Variants in TRAIP observed in about 807,000 individuals in gnomAD.
TRAIP encodes the protein E3 ubiquitin-protein ligase TRAIP.
In TRAIP, 37 loss-of-function variants were observed where a neutral mutation model predicts 65.0. That is an observed-to-expected ratio of 0.57 (90% CI 0.44 to 0.75). TRAIP has a LOEUF of 0.75. TRAIP is among the 30% of genes least tolerant of loss of function. The pLI is 0.00. For missense variants in TRAIP, 481 were observed against 579.4 expected (o/e 0.83, Z 1.74); for synonymous variants, 187 against 219.1 (o/e 0.85, Z 1.29).
At chr3:49,830,106 A>T in intron 11 of TRAIP, 38 bp from the exon 12 acceptor site, 1 of 1,610,236 alleles carries the variant, frequency 6.2e-7, no homozygotes, top group Non-Finnish European at 8.5e-7. Flanking sequence ...GTAGGTAAGC[A>T]AGACATGGGG....
intron 1 of TRAIP, among the ~76,000 whole-genome samples, chr3:49,850,445 G>C (rs2081920765): frequency 6.6e-6 from 1 of 151,102 alleles, no homozygotes; most frequent in African/African-American, 2.4e-5. Context: ...GTTGCAGTGA[G>C]CCGAGATCAC....
chr3:49,845,699 G>T (rs187728397), intron 3 of TRAIP, among the ~76,000 whole-genome samples: 3 of 152,172 alleles, frequency 2.0e-5, no homozygotes, highest in African/African-American at 4.8e-5. Context: ...CTCCAGCAGG[G>T]GCTTCCAAGC....
At position 49,829,219 on chromosome 3, in the gene TRAIP, T is replaced by C. The variant is rs777518226; in HGVS notation, c.1294A>G (p.Thr432Ala). ...GRTKFIQPTD[T>A]VMIRPLPVKP... is the part of the protein sequence containing the mutation. ...ACAGGCAATGGGCGGATCATGACTG[T>C]GTCAGTCTGGAGGAGCTGTCAAGGA... The change falls in exon 15 of 15, where the codon ACA becomes GCA. Residue 432 changes from threonine to alanine, a missense_variant. Physicochemically the swap from Thr to Ala is moderately conservative, Grantham distance 58 (BLOSUM62 0). Transcript: ENST00000331456. 4 of 1,614,032 alleles carry C rather than the reference T, an allele frequency of 2.5e-6. No homozygotes were observed. The highest frequency in any genetic ancestry group is 3.4e-6 in the Non-Finnish European group (4 of 1,180,030).
rs1019483891 is a variant in TRAIP at position 49,828,815 on chromosome 3, G to C, written c.*288C>G. Reference sequence around the variant, plus strand: ...TGACCGTGGTCTCCAGGCCCAGAAAGAGTCTGACCACATCTGATCATGGCT... The same window carrying C: ...TGACCGTGGTCTCCAGGCCCAGAAACAGTCTGACCACATCTGATCATGGCT... On this transcript the variant is annotated 3_prime_UTR_variant, in exon 15 of 15. Coordinates refer to ENST00000331456, the MANE Select transcript of TRAIP (RefSeq NM_005879.3). 4 of 369,274 alleles carry C rather than the reference G, an allele frequency of 1.1e-5. No homozygotes were observed. Among genetic ancestry groups the C allele is most frequent in the Non-Finnish European group, 2.1e-5 (4 of 191,218 alleles). The allele number at this position is 369,274 out of a possible 1,614,324, so 22.9% of individuals were successfully genotyped here.
intron 14 of TRAIP, 25 bp from the exon 15 acceptor site, chr3:49,829,250 C>T (rs747452166): frequency 6.2e-7 from 1 of 1,614,132 alleles, no homozygotes; most frequent in South Asian, 1.1e-5. Flanking sequence ...AAGGAAGAGG[C>T]ATGGAGAAAG....
intron 1 of TRAIP, among the ~76,000 whole-genome samples, 192 bp downstream of exon 1, chr3:49,856,164 T>C (rs2081967690): frequency 6.6e-6 from 1 of 152,230 alleles, no homozygotes. Context: ...TTAGCTCAGC[T>C]ATCACCTCTA....
intron 10 of TRAIP, among the ~76,000 whole-genome samples, chr3:49,837,086 TA>T (rs1181029392): frequency 1.3e-5 from 2 of 150,634 alleles, no homozygotes; most frequent in African/African-American, 2.4e-5. Context: ...GCCTCCCGAG[TA>T]GGTGGCCCAA....
At position 49,856,406 on chromosome 3, in the gene TRAIP, G is replaced by C. The variant is rs768059077; in HGVS notation, c.48C>G (p.His16Gln). 5 of 1,614,222 alleles carry C rather than the reference G, an allele frequency of 3.1e-6. No homozygotes were observed. Among genetic ancestry groups the C allele is most frequent in the Non-Finnish European group, 8.5e-7 (1 of 1,180,038 alleles). Residue 16 changes from histidine to glutamine, a missense_variant, in exon 1 of 15, where the codon CAC becomes CAG. By Grantham distance (24) the His-to-Gln change is conservative. Transcript: ENST00000331456. ...LCTICSDFFDHSRDVAAIHCG... is the reference protein window; with the variant it reads ...LCTICSDFFDQSRDVAAIHCG... ...AGTGGATGGCGGCCACGTCGCGGGA[G>C]TGATCGAAGAAGTCGGAGCAGATAG...
intron 1 of TRAIP, among the ~76,000 whole-genome samples, chr3:49,850,985 TG>T (rs1299609244): frequency 2.7e-5 from 4 of 150,738 alleles, no homozygotes; most frequent in African/African-American, 7.3e-5. Context: ...TTTTTTTTGG[TG>T]GGGGGACTTT....
intron 8 of TRAIP, 85 bp downstream of exon 8, chr3:49,840,900 T>C: frequency 7.7e-7 from 1 of 1,291,258 alleles, no homozygotes; most frequent in Non-Finnish European, 1.1e-6. Flanking sequence ...TGCCATCAGG[T>C]CCCATGGCCT....
At chr3:49,855,690 C>G (rs1322745508) in intron 1 of TRAIP, among the ~76,000 whole-genome samples, 1 of 152,178 alleles carries the variant, frequency 6.6e-6, no homozygotes, top group Non-Finnish European at 1.5e-5. Flanking sequence ...TTTAGCCCCA[C>G]AAGACCCTGT....
At chr3:49,850,695 G>A (rs576982849) in intron 1 of TRAIP, among the ~76,000 whole-genome samples, 21 of 119,732 alleles carry the variant, frequency 1.8e-4, no homozygotes, top group Non-Finnish European at 2.9e-4. Context: ...TGCTCTGTCA[G>A]CCAGGCTGGA....
chr3:49,854,849 G>A (rs1370898501), intron 1 of TRAIP, among the ~76,000 whole-genome samples: 1 of 151,864 alleles, frequency 6.6e-6, no homozygotes, highest in Non-Finnish European at 1.5e-5. Flanking sequence ...TTGAGTCCAG[G>A]GGTTCAAGAC....
At chr3:49,850,803 C>T (rs944517738) in intron 1 of TRAIP, among the ~76,000 whole-genome samples, 12 of 150,852 alleles carry the variant, frequency 8.0e-5, no homozygotes, top group African/African-American at 1.5e-4. Context: ...TACGGGTGCA[C>T]GCCACCATGC....
chr3:49,833,483 C>CTTT (rs113973983), intron 10 of TRAIP, among the ~76,000 whole-genome samples: 5 of 143,840 alleles, frequency 3.5e-5, no homozygotes, highest in African/African-American at 1.0e-4. Flanking sequence ...TAGACTGTTT[C>CTTT]TTTTTTTTTT....
chr3:49,856,208 G>A (rs2081967974), intron 1 of TRAIP, 148 bp downstream of exon 1: 2 of 672,358 alleles, frequency 3.0e-6, no homozygotes, highest in Non-Finnish European at 5.1e-6. Flanking sequence ...TTCTGCCCAG[G>A]TTGGGAAGCT....
chr3:49,837,044 A>C (rs1003972271), intron 10 of TRAIP, among the ~76,000 whole-genome samples: 2 of 138,490 alleles, frequency 1.4e-5, no homozygotes, highest in Non-Finnish European at 3.0e-5. Flanking sequence ...TGCAGTCTTG[A>C]CCTCCCAGGC....
intron 6 of TRAIP, among the ~76,000 whole-genome samples, chr3:49,842,200 C>A (rs1432080277): frequency 2.0e-5 from 3 of 152,076 alleles, no homozygotes; most frequent in African/African-American, 7.2e-5. Context: ...AAGGAAAGAC[C>A]CACCAGGTCA....
chr3:49,836,945 G>C (rs1361861203), intron 10 of TRAIP, among the ~76,000 whole-genome samples: 1 of 144,222 alleles, frequency 6.9e-6, no homozygotes, highest in Non-Finnish European at 1.5e-5. Context: ...CATCTTCCTT[G>C]ACATGACTTT....
Sources: allele counts gnomAD v4.1 joint callset (sites outside exome capture counted in the v4.1 genomes callset), GRCh38; gene constraint gnomAD v4.1.1; transcripts MANE v1.5; gene names NCBI Gene and HGNC (gene_info 2026-07-23, HGNC 2026-07-21).